The following ADGRV1 variants were observed in gnomAD, a reference collection of about 807,000 sequenced individuals.
The protein encoded by ADGRV1 is adhesion G protein-coupled receptor V1.
In ADGRV1, 359 loss-of-function variants were observed where a neutral mutation model predicts 596.2. The observed-to-expected ratio is 0.60, with a 90% CI of 0.55 to 0.66. The LOEUF is 0.66. Among genes scored for constraint, ADGRV1 ranks in the 30% least tolerant of loss-of-function variants. ADGRV1 has a pLI of 0.00. For missense variants in ADGRV1, 7,274 were observed against 7,575.6 expected (o/e 0.96, Z 1.48); for synonymous variants, 2,681 against 2,679.2 (o/e 1.00, Z -0.02).
At chr5:91,160,610 G>A (rs1562296874) in intron 89 of ADGRV1, among the ~76,000 whole-genome samples, 1 of 152,168 alleles carries the variant, frequency 6.6e-6, no homozygotes, top group Non-Finnish European at 1.5e-5. Flanking sequence ...AAGTGTCCCT[G>A]TTATCACAGT....
intron 83 of ADGRV1, among the ~76,000 whole-genome samples, chr5:90,884,073 A>G (rs1037895055): frequency 1.3e-5 from 2 of 152,182 alleles, no homozygotes; most frequent in Non-Finnish European, 1.5e-5. Context: ...GGCATTAACC[A>G]AATGGTTTTT....
intron 74 of ADGRV1, among the ~76,000 whole-genome samples, chr5:90,813,523 C>T (rs533925385): frequency 6.6e-6 from 1 of 152,246 alleles, no homozygotes; most frequent in South Asian, 2.1e-4. Flanking sequence ...ACTCAACAGG[C>T]AAATGGTAAC....
intron 87 of ADGRV1, among the ~76,000 whole-genome samples, chr5:91,124,165 AT>A (rs939018061): frequency 6.6e-6 from 1 of 152,024 alleles, no homozygotes; most frequent in Non-Finnish European, 1.5e-5. Context: ...ACTGAGTAGA[AT>A]TTTTTTGTGT....
At chr5:90,591,656 C>G (rs1759525360) in intron 1 of ADGRV1, among the ~76,000 whole-genome samples, 1 of 152,112 alleles carries the variant, frequency 6.6e-6, no homozygotes, top group African/African-American at 2.4e-5. Flanking sequence ...AAAAAGTCAA[C>G]TAATCCGGGA....
intron 86 of ADGRV1, chr5:91,092,789 T>C (rs779883174): frequency 6.6e-6 from 1 of 152,018 alleles, no homozygotes; most frequent in Non-Finnish European, 1.5e-5. Flanking sequence ...TGAAAAATAC[T>C]ACCCATATGA....
At chr5:90,805,862 A>T (rs1256228739) in intron 72 of ADGRV1, among the ~76,000 whole-genome samples, 5 of 152,184 alleles carry the variant, frequency 3.3e-5, no homozygotes, top group African/African-American at 4.8e-5. Flanking sequence ...TTTATTTTTT[A>T]AAGTATACCA....
intron 85 of ADGRV1, among the ~76,000 whole-genome samples, chr5:91,011,021 A>G (rs967880501): frequency 7.9e-5 from 12 of 152,002 alleles, no homozygotes; most frequent in Non-Finnish European, 1.3e-4. Flanking sequence ...GTTAATATGC[A>G]TAAAAAATAT....
At chr5:90,963,811 G>T (rs1341193028) in intron 83 of ADGRV1, among the ~76,000 whole-genome samples, 1 of 150,620 alleles carries the variant, frequency 6.6e-6, no homozygotes, top group Non-Finnish European at 1.5e-5. Context: ...GGCAGGCACA[G>T]GAAGGTACTT....
At chr5:91,080,077 C>T (rs927694994) in intron 86 of ADGRV1, among the ~76,000 whole-genome samples, 4 of 151,886 alleles carry the variant, frequency 2.6e-5, no homozygotes, top group African/African-American at 9.7e-5. Context: ...AATATCTGTA[C>T]ATATTTATGG....
chr5:91,049,827 CAGGGCCAACTTT>C (rs1408197701), intron 85 of ADGRV1, among the ~76,000 whole-genome samples: 1 of 152,190 alleles, frequency 6.6e-6, no homozygotes, highest in African/African-American at 2.4e-5. Context: ...ACGGGTTCCA[CAGGGCCAACTTT>C]AGGGCTTGAG....
intron 1 of ADGRV1, among the ~76,000 whole-genome samples, chr5:90,587,555 CTT>C (rs35819836): frequency 0.15 from 21,143 of 138,438 alleles, 2,245 homozygotes; most frequent in African/African-American, 0.31. Context: ...TTTTCTGTGT[CTT>C]TTTTTTTTTT....
At chr5:90,784,988 C>G (rs1188179638) in intron 67 of ADGRV1, among the ~76,000 whole-genome samples, 3 of 152,088 alleles carry the variant, frequency 2.0e-5, no homozygotes, top group African/African-American at 7.2e-5. Context: ...AATAACAAAG[C>G]TGGAGGCATC....
intron 25 of ADGRV1, among the ~76,000 whole-genome samples, chr5:90,678,564 G>T (rs531104019): frequency 6.7e-6 from 1 of 148,220 alleles, no homozygotes; most frequent in South Asian, 2.3e-4. Context: ...AGTTTATGTG[G>T]CTCATGGTTC....
At chr5:90,928,396 T>C (rs1488481505) in intron 83 of ADGRV1, among the ~76,000 whole-genome samples, 5 of 150,852 alleles carry the variant, frequency 3.3e-5, no homozygotes, top group Non-Finnish European at 4.4e-5. Flanking sequence ...CTTCCATTGC[T>C]GATACCCTTT....
chr5:91,034,448 G>C (rs939342855), intron 85 of ADGRV1, among the ~76,000 whole-genome samples: 4 of 152,204 alleles, frequency 2.6e-5, no homozygotes, highest in Middle Eastern at 3.4e-3. Context: ...TTTTATTTTA[G>C]AAAAGAATGT....
intron 87 of ADGRV1, among the ~76,000 whole-genome samples, chr5:91,126,703 T>A (rs1349783307): frequency 6.6e-6 from 1 of 152,244 alleles, no homozygotes; most frequent in East Asian, 1.9e-4. Context: ...TCTTGTAAGT[T>A]TTCTCAGTGG....
At position 90,628,795 on chromosome 5, in the gene ADGRV1, C is replaced by G. The variant is rs2149381824; in HGVS notation, c.1472C>G (p.Thr491Arg). 2 of 1,613,898 alleles carry G rather than the reference C, an allele frequency of 1.2e-6. No individual in the cohort carries two copies. Among genetic ancestry groups the G allele is most frequent in the South Asian group, 1.1e-5 (1 of 91,072 alleles). ...TATCTACTTCAAATTCTGCCTCATA[C>G]AATACGAGGAGGTGCAGAAGTGAGC... is the stretch of plus-strand genomic sequence containing the variant. ...EAYLLQILPHTIRGGAEVSEP... is the reference protein window; with the variant it reads ...EAYLLQILPHRIRGGAEVSEP... Residue 491 changes from threonine (T) to arginine (R), a missense_variant, in exon 8 of 90, where the codon ACA becomes AGA. Transcript: ENST00000405460.
chr5:90,688,451 G>A (rs1745999472), intron 29 of ADGRV1, among the ~76,000 whole-genome samples: 5 of 152,202 alleles, frequency 3.3e-5, no homozygotes, highest in Middle Eastern at 6.8e-3. Context: ...TCCGCCTCCC[G>A]GGTTCAAGAT....
intron 78 of ADGRV1, among the ~76,000 whole-genome samples, chr5:90,847,096 G>A (rs1765962163): frequency 6.6e-6 from 1 of 150,790 alleles, no homozygotes. Context: ...AGACATAAAG[G>A]TTCTCCAAGC....
Sources: allele counts gnomAD v4.1 joint callset (sites outside exome capture counted in the v4.1 genomes callset), GRCh38; gene constraint gnomAD v4.1.1; transcripts MANE v1.5; gene names NCBI Gene and HGNC (gene_info 2026-07-23, HGNC 2026-07-21).